Variants in ENDOD1 observed in about 807,000 individuals in gnomAD.
The protein encoded by ENDOD1 is endonuclease domain-containing 1 protein.
Under a neutral mutation model 6.5 loss-of-function variants are expected in ENDOD1, and 9 were observed. That is an observed-to-expected ratio of 1.39 (90% confidence interval 0.84 to 2.43). ENDOD1 has a LOEUF of 2.43. ENDOD1 is among the 30% of genes most tolerant of loss of function. The pLI, the probability that ENDOD1 is intolerant of heterozygous loss-of-function variation, is 0.00. For synonymous variants in ENDOD1, 255 were observed against 255.2 expected (o/e 1.00, Z 0.01); for missense variants, 648 against 635.5 (o/e 1.02, Z -0.21).
intron 1 of ENDOD1, among the ~76,000 whole-genome samples, chr11:95,111,792 G>A (rs1160479619): frequency 6.6e-6 from 1 of 152,152 alleles, no homozygotes; most frequent in Non-Finnish European, 1.5e-5. Flanking sequence ...CCTGGGGTTG[G>A]AGACCCCTGC....
rs1196112286 is a variant in ENDOD1 at position 95,099,582 on chromosome 11, CACTTAA to C, written c.300+9362_300+9367del. 5.3e-5 allele frequency among the ~76,000 whole-genome samples: 8 copies of C among 152,260 alleles called. No individual in the cohort carries two copies. In the East Asian group the frequency reaches 1.3e-3, roughly 26 times the overall value. On this transcript the variant is annotated intron_variant, in intron 1 of 1. Coordinates refer to ENST00000278505, the MANE Select transcript of ENDOD1 (RefSeq NM_015036.3). ...CTCCCAGGAAGGAAGACCAGCAGAACACTTAAACTTAATAACCCAGTAATGCAGTAA... is the reference window on the plus strand; with the variant it reads ...CTCCCAGGAAGGAAGACCAGCAGAACACTTAATAACCCAGTAATGCAGTAA...
Position 95,129,098 on chromosome 11 carries a change from A to G in ENDOD1, c.1022A>G (p.Lys341Arg), listed in dbSNP as rs778475540. 28 of 1,614,018 alleles carry G rather than the reference A, an allele frequency of 1.7e-5. No individual in the cohort carries two copies. The highest frequency in any genetic ancestry group is 2.4e-5 in the Non-Finnish European group (28 of 1,180,032). The change falls in exon 2 of 2, where the codon AAG becomes AGG. Residue 341 changes from lysine (K) to arginine (R), a missense_variant. Lys to Arg is a conservative substitution (Grantham distance 26). Transcript: ENST00000278505. ...GGCTTCATTGCTACCCCATTCATCA[A>G]GCTTTTTCAATTAATTTATTACCTT... ...LMGFIATPFIKLFQLIYYLVV... is the reference protein window; with the variant it reads ...LMGFIATPFIRLFQLIYYLVV...
chr11:95,099,742 G>A (rs1354304560), intron 1 of ENDOD1, among the ~76,000 whole-genome samples: 2 of 152,194 alleles, frequency 1.3e-5, no homozygotes, highest in Non-Finnish European at 2.9e-5. Context: ...GCAGGTTCTT[G>A]CATTTGTCCC....
intron 1 of ENDOD1, among the ~76,000 whole-genome samples, chr11:95,112,065 T>C (rs1226715191): frequency 1.3e-5 from 2 of 152,204 alleles, no homozygotes; most frequent in African/African-American, 4.8e-5. Flanking sequence ...CCTCTGTCGC[T>C]ACTGGTCTCT....
chr11:95,095,679 A>G (rs1403989520), intron 1 of ENDOD1, among the ~76,000 whole-genome samples: 1 of 152,198 alleles, frequency 6.6e-6, no homozygotes, highest in Non-Finnish European at 1.5e-5. Context: ...AAAGGTCTTC[A>G]CATTCTAACT....
intron 1 of ENDOD1, among the ~76,000 whole-genome samples, chr11:95,112,869 C>G (rs61403165): frequency 0.023 from 3,517 of 152,176 alleles, 135 homozygotes; most frequent in African/African-American, 0.08. Context: ...TGCCTTGTTT[C>G]CGTAAATAGA....
At chr11:95,127,688 T>C (rs1859324584) in intron 1 of ENDOD1, among the ~76,000 whole-genome samples, 2 of 152,256 alleles carry the variant, frequency 1.3e-5, no homozygotes, top group Non-Finnish European at 2.9e-5. Context: ...CCCCTTGTTT[T>C]CTTTTTTAGA....
chr11:95,102,253 C>T (rs1420731128), intron 1 of ENDOD1, among the ~76,000 whole-genome samples: 1 of 151,674 alleles, frequency 6.6e-6, no homozygotes, highest in Non-Finnish European at 1.5e-5. Flanking sequence ...CTTCTTAAAG[C>T]CCAGGAGAAA....
Position 95,129,379 on chromosome 11 carries a change from G to A in ENDOD1, c.1303G>A (p.Val435Met). The A allele has an allele frequency of 6.2e-7, 1 of 1,614,218 alleles. No homozygotes were observed. Among genetic ancestry groups the A allele is most frequent in the South Asian group, 1.1e-5 (1 of 91,088 alleles). Residue 435 changes from valine to methionine, a missense_variant, in exon 2 of 2, where the codon GTG (valine) becomes ATG (methionine). Physicochemically the swap from Val to Met is conservative, Grantham distance 21. Transcript: ENST00000278505. Reference protein sequence around the residue: ...RVLSIPVRVLVDVATFPVYTM... With the variant: ...RVLSIPVRVLMDVATFPVYTM... The stretch of plus-strand genomic sequence containing the variant: ...TCTGAGCATCCCTGTCCGTGTCCTT[G>A]TGGATGTGGCCACTTTCCCTGTGTA...
At chr11:95,100,798 C>CT (rs1197681912) in intron 1 of ENDOD1, among the ~76,000 whole-genome samples, 135 of 122,540 alleles carry the variant, frequency 1.1e-3, no homozygotes, top group Middle Eastern at 4.9e-3. Flanking sequence ...GCCCAGCCTA[C>CT]TTTTTTTTTT....
intron 1 of ENDOD1, among the ~76,000 whole-genome samples, chr11:95,126,127 C>T (rs1034040409): frequency 1.4e-4 from 21 of 152,224 alleles, no homozygotes; most frequent in South Asian, 6.2e-4. Flanking sequence ...TAGGGTCAAC[C>T]GATAGATTAC....
rs755325613 is a variant in ENDOD1, at chr11:95,130,832, G to T, written c.*1253G>T. 8 of 152,086 alleles carry T rather than the reference G, an allele frequency of 5.3e-5. No individual in the cohort carries two copies. Among genetic ancestry groups the T allele is most frequent in the Non-Finnish European group, 7.4e-5 (5 of 68,024 alleles). The allele number at this position is 152,086 out of a possible 1,614,324, so 9.4% of individuals were successfully genotyped here. A position where few individuals can be genotyped will look rare whatever the true frequency, so the allele number is the denominator to read the frequency against. On this transcript the variant is annotated 3_prime_UTR_variant, in exon 2 of 2. Transcript: ENST00000278505. ...TCAAGCACTTGTCATTTTAAATCTT[G>T]CACTAAAAAATGGTAACAAGAGGGA...
rs1044673933 is a variant in ENDOD1, at chr11:95,130,313, A to C, written c.*734A>C. On this transcript the variant is annotated 3_prime_UTR_variant, in exon 2 of 2. Coordinates refer to ENST00000278505, the MANE Select transcript of ENDOD1 (RefSeq NM_015036.3). Reference sequence around the variant, plus strand: ...TAACAGAGTTTGAATTGAAGGGCAAAGTTTTCTTTTCTTTTTTTTTTGGGC... The same window carrying C: ...TAACAGAGTTTGAATTGAAGGGCAACGTTTTCTTTTCTTTTTTTTTTGGGC... The C allele has an allele frequency of 1.4e-5, 2 of 139,592 alleles. No homozygotes were observed. Among genetic ancestry groups the C allele is most frequent in the Admixed American group, 7.6e-5 (1 of 13,076 alleles). The allele number at this position is 139,592 out of a possible 1,614,324, so 8.6% of individuals were successfully genotyped here. A position where few individuals can be genotyped will look rare whatever the true frequency, so the allele number is the denominator to read the frequency against.
intron 1 of ENDOD1, among the ~76,000 whole-genome samples, chr11:95,124,639 G>A (rs986755525): frequency 1.3e-5 from 2 of 152,206 alleles, no homozygotes; most frequent in Non-Finnish European, 2.9e-5. Flanking sequence ...TGTAGAATTG[G>A]GCCACGGCCT....
In ENDOD1 at chr11:95,131,909, A is replaced by G. The variant is rs1301017084; in HGVS notation, c.*2330A>G. 6.6e-6 allele frequency: 1 copy of G among 152,216 alleles called. No homozygotes were observed. Among genetic ancestry groups the G allele is most frequent in the East Asian group, 1.9e-4 (1 of 5,206 alleles). The allele number at this position is 152,216 out of a possible 1,614,324, so 9.4% of individuals were successfully genotyped here. On this transcript the variant is annotated 3_prime_UTR_variant, in exon 2 of 2. Transcript: ENST00000278505. ...CCAGTTTTGAAACCTAAAAAGGGAC[A>G]ATAAAGCAAAAAGTATCAGTAAGGA... is the stretch of plus-strand genomic sequence containing the variant.
chr11:95,097,467 G>C (rs1555110439), intron 1 of ENDOD1, among the ~76,000 whole-genome samples: 6 of 152,214 alleles, frequency 3.9e-5, no homozygotes, highest in Admixed American at 3.9e-4. Context: ...AGCAGGAGAT[G>C]AGGTCAGAGA....
chr11:95,114,049 G>A (rs1597028), intron 1 of ENDOD1, among the ~76,000 whole-genome samples: 6,203 of 152,238 alleles, frequency 0.041, 145 homozygotes, highest in Middle Eastern at 0.14. Context: ...TCATATACCT[G>A]TTTGCTATTC....
chr11:95,090,135 A>T lies in ENDOD1; in HGVS notation c.208A>T (p.Ser70Cys). 1 of 1,539,276 alleles carries T rather than the reference A, an allele frequency of 6.5e-7. No individual in the cohort carries two copies. The highest frequency in any genetic ancestry group is 8.7e-7 in the Non-Finnish European group (1 of 1,143,456). ...TGCTGAGCGCTTCGCCACCCTCTAC[A>T]GCACCCGGGACCGCATCCCCGTGTA... ...EGAERFATLY[S>C]TRDRIPVYSA... The change falls in exon 1 of 2, where the codon AGC (serine) becomes TGC (cysteine). Residue 70 changes from serine to cysteine, a missense_variant. Ser to Cys is a moderately radical substitution (Grantham distance 112). Transcript: ENST00000278505.
chr11:95,119,091 T>G (rs1018222003), intron 1 of ENDOD1, among the ~76,000 whole-genome samples: 1 of 152,256 alleles, frequency 6.6e-6, no homozygotes, highest in African/African-American at 2.4e-5. Flanking sequence ...TGAATTTCTT[T>G]GAGTTTCCTC....
Sources: gnomAD v4.1 joint callset for allele counts (sites outside exome capture counted in the v4.1 genomes callset) on GRCh38, gnomAD v4.1.1 for gene constraint, MANE v1.5 for transcripts, NCBI Gene and HGNC (gene_info 2026-07-23, HGNC 2026-07-21) for gene names.